The following ADRA1A variants were observed in gnomAD, a reference collection of about 807,000 sequenced individuals.
ADRA1A encodes the protein adrenoceptor alpha 1A, also known as alpha-1A adrenergic receptor.
Under a neutral mutation model 29.6 loss-of-function variants are expected in ADRA1A, and 31 were observed. The observed-to-expected ratio is 1.05, with a 90% CI of 0.79 to 1.41. The LOEUF is 1.41. Ranked by LOEUF, ADRA1A falls within the 40% of genes most tolerant of loss-of-function variation. The pLI is 0.00. For missense variants in ADRA1A, 619 were observed against 601.1 expected (o/e 1.03, Z -0.31); for synonymous variants, 311 against 254.3 (o/e 1.22, Z -2.12).
intron 2 of ADRA1A, among the ~76,000 whole-genome samples, chr8:26,797,131 C>A (rs1182935004): frequency 6.6e-6 from 1 of 151,978 alleles, no homozygotes; most frequent in Non-Finnish European, 1.5e-5. Flanking sequence ...AAATGAAGAG[C>A]AGATATGAGG....
chr8:26,803,060 T>C (rs151056864), intron 2 of ADRA1A, among the ~76,000 whole-genome samples: 20 of 152,194 alleles, frequency 1.3e-4, no homozygotes, highest in African/African-American at 4.8e-4. Flanking sequence ...AGTAGAATGA[T>C]GGTTAGCAGT....
downstream of ADRA1A, among the ~76,000 whole-genome samples, chr8:26,752,131 TTCAAACCCA>T (rs1272496025): frequency 6.6e-6 from 1 of 152,218 alleles, no homozygotes; most frequent in African/African-American, 2.4e-5. Context: ...CTAGATAGGA[TTCAAACCCA>T]GGCAGTTTGA....
At chr8:26,770,771 AATG>A in intron 2 of ADRA1A, 105 bp from the exon 3 acceptor site, 1 of 1,433,322 alleles carries the variant, frequency 7.0e-7, no homozygotes, top group Non-Finnish European at 9.2e-7. Context: ...AAACGGTTAA[AATG>A]ATCCCAAACA....
chr8:26,809,541 G>A (rs1049857996), intron 2 of ADRA1A, among the ~76,000 whole-genome samples: 2 of 152,184 alleles, frequency 1.3e-5, no homozygotes, highest in African/African-American at 4.8e-5. Context: ...AATGATACTT[G>A]TCTTACAACT....
chr8:26,828,114 A>G (rs1158425042), intron 2 of ADRA1A, among the ~76,000 whole-genome samples: 2 of 151,994 alleles, frequency 1.3e-5, no homozygotes, highest in Non-Finnish European at 2.9e-5. Context: ...GGCTGGTCTC[A>G]AACTCCTGAG....
chr8:26,785,312 A>G (rs1367809919), intron 2 of ADRA1A, among the ~76,000 whole-genome samples: 3 of 152,326 alleles, frequency 2.0e-5, no homozygotes, highest in South Asian at 2.1e-4. Flanking sequence ...TTTAGCATTC[A>G]TTACACACAT....
chr8:26,865,074 G>A lies in ADRA1A; in HGVS notation c.-105C>T. On this transcript the variant is annotated 5_prime_UTR_variant, in exon 2 of 3. Transcript: ENST00000380573. The surrounding 1 kb of genome is among the most constrained non-coding windows in gnomAD (Gnocchi z 7.6). ...GGGAATCAAAAGGTCTCGGCTGGAG[G>A]GAGCCCTGCCAGGTGGGTTTGGCTG... is the stretch of plus-strand genomic sequence containing the variant. 3.3e-6 allele frequency: 5 copies of A among 1,506,052 alleles called. No homozygotes were observed. In the South Asian group the frequency reaches 5.3e-5, roughly 16 times the overall value. 93.3% of individuals were successfully genotyped at this position (1,506,052 alleles called of 1,614,324 possible).
rs192311199 is a variant in ADRA1A, at chr8:26,774,525, T to C, written c.884-3859A>G. Among the ~76,000 whole-genome samples, 382 of 152,112 alleles carry C rather than the reference T, an allele frequency of 2.5e-3. 1 individual carries two copies. The highest frequency in any genetic ancestry group is 4.3e-3 in the Non-Finnish European group (295 of 67,984). ...CTTTACTAAAAATACAAAAATTAGC[T>C]GGGTGTGGTGGCATGTGCCTGTAGT... On this transcript the variant is annotated intron_variant, in intron 2 of 2. Transcript: ENST00000380573.
At chr8:26,785,299 C>T (rs6998410) in intron 2 of ADRA1A, among the ~76,000 whole-genome samples, 37,192 of 152,008 alleles carry the variant, frequency 0.24, 4,976 homozygotes, top group East Asian at 0.51. Flanking sequence ...TAAATTTTCT[C>T]CATTTAGCAT....
At chr8:26,762,835 G>A (rs1188743629), downstream of ADRA1A, among the ~76,000 whole-genome samples, 2 of 152,086 alleles carry the variant, frequency 1.3e-5, no homozygotes, top group East Asian at 3.9e-4. The surrounding 1 kb of genome is among the most constrained non-coding windows in gnomAD (Gnocchi z 4.0). Flanking sequence ...CCGTGCCCTC[G>A]GCTGCAGGAA....
At chr8:26,863,552 A>C (rs1459245342) in intron 2 of ADRA1A, among the ~76,000 whole-genome samples, 1 of 152,206 alleles carries the variant, frequency 6.6e-6, no homozygotes, top group African/African-American at 2.4e-5. Flanking sequence ...TTCCATACTG[A>C]ATCCAGAAAA....
Position 26,780,868 on chromosome 8 carries a change from G to A in ADRA1A, c.884-10202C>T, listed in dbSNP as rs1479774628. ...TCTGTGCTCCTTATGAGAATCTAAT[G>A]CCTGATGATCTGTTGCTGTCTCCAT... On this transcript the variant is annotated intron_variant, in intron 2 of 2. Coordinates refer to ENST00000380573, the MANE Select transcript of ADRA1A (RefSeq NM_000680.4). Among the ~76,000 whole-genome samples the A allele has an allele frequency of 2.0e-5, 3 of 152,230 alleles. No homozygotes were observed. The East Asian group carries it at 5.8e-4, about 29-fold the overall frequency.
intron 2 of ADRA1A, among the ~76,000 whole-genome samples, chr8:26,858,210 G>A (rs1421760376): frequency 6.6e-6 from 1 of 152,202 alleles, no homozygotes; most frequent in Non-Finnish European, 1.5e-5. Flanking sequence ...TGATTCAGTG[G>A]CAACAGCAAT....
intron 2 of ADRA1A, among the ~76,000 whole-genome samples, chr8:26,861,548 A>G (rs4732958): frequency 0.69 from 105,302 of 151,850 alleles, 39,026 homozygotes; most frequent in South Asian, 0.83. Context: ...CCAAGTTTAT[A>G]TCTGTAGCCC....
At chr8:26,748,617 G>A (rs1287387130) in exon 3 of ADRA1A, 4 of 424,174 alleles carry the variant, frequency 9.4e-6, no homozygotes, top group South Asian at 3.4e-5. Context: ...CGTCGGCCTG[G>A]TGGCACATCC....
intron 2 of ADRA1A, among the ~76,000 whole-genome samples, chr8:26,786,336 G>A (rs1238251935): frequency 6.6e-6 from 1 of 152,002 alleles, no homozygotes; most frequent in East Asian, 1.9e-4. Flanking sequence ...CCAGGCTCAA[G>A]CAATTCTCCT....
chr8:26,766,231 G>T, downstream of ADRA1A: 1 of 977,560 alleles, frequency 1.0e-6, no homozygotes, highest in Non-Finnish European at 1.6e-6. Context: ...TTTTAAAAGG[G>T]ATGTACTTCC....
At chr8:26,767,562 G>A (rs972171032), downstream of ADRA1A, among the ~76,000 whole-genome samples, 19 of 152,184 alleles carry the variant, frequency 1.2e-4, no homozygotes, top group Middle Eastern at 3.4e-3. Context: ...AATTATTTAC[G>A]GATAGTTTTA....
In ADRA1A at chr8:26,815,388, C is replaced by G. The variant is rs1393048478; in HGVS notation, c.884-44722G>C. On this transcript the variant is annotated intron_variant, in intron 2 of 2. Coordinates refer to ENST00000380573, the MANE Select transcript of ADRA1A (RefSeq NM_000680.4). The surrounding 1 kb of genome is among the most constrained non-coding windows in gnomAD (Gnocchi z 4.2). ...TTTTCCAAGGGAGCAAAAAATTATC[C>G]AAAGCACTAAAACAAGAGGTAGCAA... Among the ~76,000 whole-genome samples, 2 of 152,090 alleles carry G rather than the reference C, an allele frequency of 1.3e-5. No individual in the cohort carries two copies. The highest frequency in any genetic ancestry group is 4.8e-5 in the African/African-American group (2 of 41,408).
Sources: allele counts gnomAD v4.1 joint callset (sites outside exome capture counted in the v4.1 genomes callset), GRCh38; gene constraint gnomAD v4.1.1; non-coding constraint Gnocchi (gnomAD v3.1); transcripts MANE v1.5; gene names NCBI Gene and HGNC (gene_info 2026-07-23, HGNC 2026-07-21).